The following NLRP9 variants were observed in gnomAD, a reference collection of about 807,000 sequenced individuals.
NLRP9 encodes NACHT, LRR and PYD domains-containing protein 9.
In NLRP9, 88 loss-of-function variants were observed where a neutral mutation model predicts 83.1. The observed-to-expected ratio is 1.06, with a 90% confidence interval of 0.89 to 1.26. The LOEUF is 1.26. NLRP9 is among the 50% of genes most tolerant of loss of function. The probability of loss-of-function intolerance (pLI) is 0.00; values close to 1 mark genes in which losing one functional copy is unlikely to be tolerated. For missense variants in NLRP9, 1,308 were observed against 1,179.3 expected (o/e 1.11, Z -1.60); for synonymous variants, 521 against 447.6 (o/e 1.16, Z -2.07).
intron 1 of NLRP9, among the ~76,000 whole-genome samples, chr19:55,734,034 T>C (rs1306246632): frequency 6.7e-6 from 1 of 150,000 alleles, no homozygotes; most frequent in African/African-American, 2.5e-5. Context: ...GCCATTCTCC[T>C]GCCGCAGCCT....
Position 55,732,659 on chromosome 19 carries a change from C to T in NLRP9, c.1172G>A (p.Arg391Gln). 2 of 1,614,150 alleles carry T rather than the reference C, an allele frequency of 1.2e-6. No individual in the cohort carries two copies. The highest frequency in any genetic ancestry group is 1.1e-5 in the South Asian group (1 of 91,076). ...AGCCAAAGCACACAGGCTTTTTAGT[C>T]GGGCTCTGTTCACCTTAGGTGGAAA... ...QSFPPKVNRA[R>Q]LKSLCALAAE... The change falls in exon 2 of 9, where the codon CGA (arginine) becomes CAA (glutamine). Residue 391 changes from arginine (R) to glutamine (Q), a missense_variant. Arg to Gln is a conservative substitution (Grantham distance 43). Coordinates refer to ENST00000332836, the MANE Select transcript of NLRP9 (RefSeq NM_176820.4).
intron 6 of NLRP9, 129 bp downstream of exon 6, chr19:55,714,926 C>A: frequency 1.2e-6 from 1 of 839,888 alleles, no homozygotes; most frequent in Non-Finnish European, 1.9e-6. Flanking sequence ...GGGGTGAGGA[C>A]CCAACATACG....
In NLRP9 at chr19:55,732,399, T is replaced by C; in HGVS notation, c.1432A>G (p.Arg478Gly). 1.9e-6 allele frequency: 3 copies of C among 1,614,242 alleles called. No homozygotes were observed. Among genetic ancestry groups the C allele is most frequent in the Non-Finnish European group, 2.5e-6 (3 of 1,180,042 alleles). ...PAIGSITQLV[R>G]ASVVQPQTLL... ...GTTTGAGGCTGAACCACACTTGCTC[T>C]TACAAGCTGGGTTATGCTTCCAATG... The change falls in exon 2 of 9, where the codon AGA becomes GGA. Residue 478 changes from arginine to glycine, a missense_variant. Transcript: ENST00000332836.
At chr19:55,719,175 A>G (rs983653579) in intron 4 of NLRP9, among the ~76,000 whole-genome samples, 2 of 152,220 alleles carry the variant, frequency 1.3e-5, no homozygotes, top group Admixed American at 1.3e-4. Flanking sequence ...CTGATTTGCT[A>G]GAGTGGATCA....
At position 55,734,139 on chromosome 19, in the gene NLRP9, G is replaced by A. The variant is rs569287914; in HGVS notation, c.281-589C>T. 2.4e-4 allele frequency among the ~76,000 whole-genome samples: 36 copies of A among 151,530 alleles called. 1 individual carries two copies. In the South Asian group the frequency reaches 6.7e-3, roughly 28 times the overall value. On this transcript the variant is annotated intron_variant, in intron 1 of 8. Transcript: ENST00000332836. Reference sequence around the variant, plus strand: ...GGAGTTTCACCGTGTTAGCCAGGATGGTCTCGATCTCCTGACCTCATGATC... The same window carrying A: ...GGAGTTTCACCGTGTTAGCCAGGATAGTCTCGATCTCCTGACCTCATGATC...
chr19:55,716,236 A>AT (rs1431808635), intron 5 of NLRP9, among the ~76,000 whole-genome samples: 2 of 150,170 alleles, frequency 1.3e-5, no homozygotes, highest in African/African-American at 2.5e-5. Flanking sequence ...AATATATGCA[A>AT]TTTTTAAATT....
chr19:55,723,882 G>T (rs140998610), intron 4 of NLRP9, 98 bp downstream of exon 4: 4 of 876,994 alleles, frequency 4.6e-6, no homozygotes. Flanking sequence ...AGAGATGAAG[G>T]CTGATGCAAT....
In NLRP9 at chr19:55,730,001, G is replaced by T; in HGVS notation, c.1833-9C>A. 2 of 1,606,136 alleles carry T rather than the reference G, an allele frequency of 1.2e-6. No individual in the cohort carries two copies. Among genetic ancestry groups the T allele is most frequent in the Non-Finnish European group, 1.7e-6 (2 of 1,175,706 alleles). On this transcript the variant is annotated splice_polypyrimidine_tract_variant and intron_variant, in intron 2 of 8. Coordinates refer to ENST00000332836, the MANE Select transcript of NLRP9 (RefSeq NM_176820.4). Reference sequence around the variant, plus strand: ...CGAGCTTCTCATTGTAACTATGAGAGAACAAAGATTGTGATTCTCCAGTGG... The same window carrying T: ...CGAGCTTCTCATTGTAACTATGAGATAACAAAGATTGTGATTCTCCAGTGG...
intron 3 of NLRP9, among the ~76,000 whole-genome samples, chr19:55,726,234 G>A (rs1280217821): frequency 6.6e-6 from 1 of 152,086 alleles, no homozygotes; most frequent in Admixed American, 6.6e-5. Flanking sequence ...ACAATATGGT[G>A]GGAAAACAGT....
At chr19:55,709,206 G>C in intron 8 of NLRP9, 162 bp from the exon 9 acceptor site, 1 of 480,950 alleles carries the variant, frequency 2.1e-6, no homozygotes, top group Non-Finnish European at 3.5e-6. Flanking sequence ...CTTTCCTATA[G>C]GATAGGAAGC....
intron 4 of NLRP9, among the ~76,000 whole-genome samples, chr19:55,718,589 C>T (rs560915750): frequency 4.6e-5 from 7 of 152,324 alleles, no homozygotes; most frequent in African/African-American, 1.4e-4. Context: ...GGGCACAGTA[C>T]CTTTCCTTGA....
At chr19:55,714,764 C>T (rs1204311493) in intron 6 of NLRP9, among the ~76,000 whole-genome samples, 5 of 152,236 alleles carry the variant, frequency 3.3e-5, no homozygotes, top group African/African-American at 9.6e-5. Context: ...GCGAGGGCCA[C>T]GTTCTGCTTT....
chr19:55,729,392 C>CA (rs1568601847), intron 3 of NLRP9, among the ~76,000 whole-genome samples: 1 of 152,098 alleles, frequency 6.6e-6, no homozygotes, highest in East Asian at 1.9e-4. Context: ...CCTCTCCCCC[C>CA]ACCCCACAAC....
intron 4 of NLRP9, among the ~76,000 whole-genome samples, chr19:55,722,479 G>A (rs571232923): frequency 2.6e-4 from 40 of 152,252 alleles, no homozygotes; most frequent in African/African-American, 8.9e-4. Context: ...CTCCTGATGG[G>A]TCTAGACGCA....
Position 55,732,358 on chromosome 19 carries a change from C to T in NLRP9, c.1473G>A (p.Val491=), listed in dbSNP as rs148136713. The change falls in exon 2 of 9, where the codon GTG becomes GTA. Residue 491 remains valine (V), a synonymous_variant. Transcript: ENST00000332836. ...VVQPQTLLTQ[V]GIFMFGISTE... ...TTGAAATTCCAAACATGAATATCCC[C>T]ACCTGGGTCAAGAGGGTTTGAGGCT... The T allele has an allele frequency of 2.5e-6, 4 of 1,614,080 alleles. No individual in the cohort carries two copies. Among genetic ancestry groups the T allele is most frequent in the Non-Finnish European group, 3.4e-6 (4 of 1,180,036 alleles).
chr19:55,712,071 C>A, intron 7 of NLRP9, 101 bp from the exon 8 acceptor site: 1 of 1,204,790 alleles, frequency 8.3e-7, no homozygotes. Flanking sequence ...GCAGGACGCT[C>A]TGCTGTCTAG....
chr19:55,726,276 G>A (rs1423847641), intron 3 of NLRP9, among the ~76,000 whole-genome samples: 1 of 152,128 alleles, frequency 6.6e-6, no homozygotes, highest in Non-Finnish European at 1.5e-5. Flanking sequence ...AGGAATCATC[G>A]CCATTTCAGG....
chr19:55,723,060 G>A (rs1284580101), intron 4 of NLRP9, among the ~76,000 whole-genome samples: 2 of 151,996 alleles, frequency 1.3e-5, no homozygotes, highest in Admixed American at 6.6e-5. Flanking sequence ...ACGAGTTGAT[G>A]GGTACAGCAA....
chr19:55,730,323 C>T (rs946070304), intron 2 of NLRP9, among the ~76,000 whole-genome samples: 1 of 152,044 alleles, frequency 6.6e-6, no homozygotes, highest in East Asian at 1.9e-4. Context: ...GATGTGGTGG[C>T]ATACACCTGT....
Sources: allele counts gnomAD v4.1 joint callset (sites outside exome capture counted in the v4.1 genomes callset), GRCh38; gene constraint gnomAD v4.1.1; transcripts MANE v1.5; gene names NCBI Gene and HGNC (gene_info 2026-07-23, HGNC 2026-07-21).